The following C8orf34 variants were observed in gnomAD, a reference collection of about 807,000 sequenced individuals.
The protein encoded by C8orf34 is uncharacterized protein C8orf34.
C8orf34 carries 65 observed loss-of-function variants against 68.3 expected under a neutral mutation model. That is an observed-to-expected ratio of 0.95 (90% CI 0.78 to 1.17). The LOEUF is 1.17. C8orf34 is among the 50% of genes most tolerant of loss of function. C8orf34 has a pLI of 0.00. For missense variants in C8orf34, 664 were observed against 655.4 expected (o/e 1.01, Z -0.14); for synonymous variants, 244 against 241.2 (o/e 1.01, Z -0.11).
chr8:68,750,510 A>T (rs1822673703), intron 10 of C8orf34, among the ~76,000 whole-genome samples: 1 of 152,126 alleles, frequency 6.6e-6, no homozygotes, highest in Non-Finnish European at 1.5e-5. Flanking sequence ...GGGGTGATGA[A>T]AAATTTCTAT....
At chr8:68,684,897 T>C (rs1233798471) in intron 8 of C8orf34, among the ~76,000 whole-genome samples, 2 of 151,984 alleles carry the variant, frequency 1.3e-5, no homozygotes, top group Non-Finnish European at 2.9e-5. Flanking sequence ...AAAAGGAAAA[T>C]TATGTTGGAG....
In C8orf34 at chr8:68,693,973, A is replaced by G. The variant is rs193045465; in HGVS notation, c.1242-15021A>G. ...GGAATATTGCAATGTGCCAGTTGCT[A>G]TTTTCTTTTCAAATGAATAATCTTC... On this transcript the variant is annotated intron_variant, in intron 8 of 13. Transcript: ENST00000518698. Among the ~76,000 whole-genome samples, 9 of 152,172 alleles carry G rather than the reference A, an allele frequency of 5.9e-5. No individual in the cohort carries two copies. In the East Asian group the frequency reaches 1.4e-3, roughly 23 times the overall value.
At chr8:68,428,570 A>G (rs1306363151) in intron 1 of C8orf34, among the ~76,000 whole-genome samples, 1 of 152,118 alleles carries the variant, frequency 6.6e-6, no homozygotes, top group Non-Finnish European at 1.5e-5. Flanking sequence ...TGACTTTAAG[A>G]CTAATGAGAG....
At chr8:68,538,462 A>C (rs962790010) in intron 7 of C8orf34, among the ~76,000 whole-genome samples, 4 of 145,980 alleles carry the variant, frequency 2.7e-5, no homozygotes, top group Non-Finnish European at 6.0e-5. Flanking sequence ...ATATTTCTCT[A>C]AAGTGCTTTT....
chr8:68,743,966 GCA>G (rs2129527337), intron 10 of C8orf34, among the ~76,000 whole-genome samples: 1 of 152,272 alleles, frequency 6.6e-6, no homozygotes, highest in South Asian at 2.1e-4. Flanking sequence ...AGTAACCTCT[GCA>G]GACTTAAATG....
chr8:68,670,795 G>A (rs2130840444), intron 8 of C8orf34, among the ~76,000 whole-genome samples: 1 of 152,098 alleles, frequency 6.6e-6, no homozygotes, highest in South Asian at 2.1e-4. Flanking sequence ...CTATTTATCT[G>A]TCTATTGTCA....
intron 1 of C8orf34, among the ~76,000 whole-genome samples, chr8:68,433,346 A>C (rs1280973792): frequency 2.6e-5 from 4 of 152,196 alleles, no homozygotes. Context: ...GTGCTGAATA[A>C]AAAACATATC....
At chr8:68,369,006 A>G (rs1807437649) in intron 1 of C8orf34, among the ~76,000 whole-genome samples, 2 of 152,196 alleles carry the variant, frequency 1.3e-5, no homozygotes, top group South Asian at 4.1e-4. Context: ...TCTCCTGGAT[A>G]ATGCAAGGAT....
intron 1 of C8orf34, among the ~76,000 whole-genome samples, chr8:68,396,956 T>G (rs138464934): frequency 0.014 from 2,106 of 152,046 alleles, 20 homozygotes; most frequent in Non-Finnish European, 0.022. Flanking sequence ...GCAACACAAA[T>G]GGACTAAGAC....
chr8:68,607,607 G>C (rs1263143289), intron 7 of C8orf34, among the ~76,000 whole-genome samples: 1 of 152,012 alleles, frequency 6.6e-6, no homozygotes, highest in Non-Finnish European at 1.5e-5. Flanking sequence ...ATGAAATTTG[G>C]GGAAAAATTT....
chr8:68,495,610 A>C (rs1813491560), intron 5 of C8orf34, among the ~76,000 whole-genome samples: 1 of 152,206 alleles, frequency 6.6e-6, no homozygotes, highest in Non-Finnish European at 1.5e-5. Flanking sequence ...TATGGCTCTT[A>C]ACAATTATAT....
intron 2 of C8orf34, among the ~76,000 whole-genome samples, chr8:68,443,948 T>C (rs1369756966): frequency 8.5e-6 from 1 of 118,126 alleles, no homozygotes; most frequent in African/African-American, 3.5e-5. Context: ...ACTTATGAAT[T>C]TTTTTTTACT....
intron 7 of C8orf34, among the ~76,000 whole-genome samples, chr8:68,616,210 T>G (rs910455469): frequency 6.6e-6 from 1 of 152,026 alleles, no homozygotes; most frequent in Non-Finnish European, 1.5e-5. Context: ...GCTAGCGGTC[T>G]ATCAATTTTG....
rs141954468 is a variant in C8orf34 at position 68,356,992 on chromosome 8, T to C, written c.327+25653T>C. Reference sequence around the variant, plus strand: ...CATTGAAACAATATATCTATTCGTATGAAGTGAATTTCATAAGATTTATCA... The same window carrying C: ...CATTGAAACAATATATCTATTCGTACGAAGTGAATTTCATAAGATTTATCA... On this transcript the variant is annotated intron_variant, in intron 1 of 13. Coordinates refer to ENST00000518698, the MANE Select transcript of C8orf34 (RefSeq NM_052958.4). 1.0e-3 allele frequency among the ~76,000 whole-genome samples: 153 copies of C among 152,260 alleles called. 1 individual carries two copies. In the East Asian group the frequency reaches 0.018, roughly 18 times the overall value.
chr8:68,482,380 C>A (rs1192259361), intron 4 of C8orf34, among the ~76,000 whole-genome samples: 1 of 152,154 alleles, frequency 6.6e-6, no homozygotes, highest in African/African-American at 2.4e-5. Flanking sequence ...CAACTTCTAG[C>A]AGGAATGCTC....
chr8:68,399,498 T>G (rs1808858359), intron 1 of C8orf34, among the ~76,000 whole-genome samples: 1 of 152,190 alleles, frequency 6.6e-6, no homozygotes, highest in South Asian at 2.1e-4. Context: ...GGTTTCATTC[T>G]TTTATGGCCA....
chr8:68,497,304 G>C (rs1445831016), intron 5 of C8orf34, among the ~76,000 whole-genome samples: 1 of 152,116 alleles, frequency 6.6e-6, no homozygotes, highest in Non-Finnish European at 1.5e-5. Flanking sequence ...TGAGATAAAT[G>C]CAAATTAAAC....
chr8:68,489,427 T>G (rs1298984947), intron 5 of C8orf34, among the ~76,000 whole-genome samples: 3 of 152,204 alleles, frequency 2.0e-5, no homozygotes, highest in Non-Finnish European at 4.4e-5. Flanking sequence ...TCAGGTGTTT[T>G]TTTGGATTTT....
intron 5 of C8orf34, among the ~76,000 whole-genome samples, chr8:68,519,861 A>G (rs1291021779): frequency 6.6e-6 from 1 of 152,196 alleles, no homozygotes; most frequent in Non-Finnish European, 1.5e-5. Flanking sequence ...GTAACATTGT[A>G]AAGTCTCACA....
Sources: allele counts gnomAD v4.1 joint callset (sites outside exome capture counted in the v4.1 genomes callset), GRCh38; gene constraint gnomAD v4.1.1; transcripts MANE v1.5; gene names NCBI Gene and HGNC (gene_info 2026-07-23, HGNC 2026-07-21).